HEATR4: variants seen among roughly 807,000 people sequenced by gnomAD.
HEATR4 encodes the protein HEAT repeat containing 4.
A neutral mutation model predicts 108.8 loss-of-function variants in HEATR4; 95 were observed. The ratio of observed to expected loss-of-function variants is 0.87; its 90% CI spans 0.74 to 1.04. The LOEUF is 1.04. Ranked by LOEUF, HEATR4 falls within the 50% of genes least tolerant of loss-of-function variation. The pLI, the probability that HEATR4 is intolerant of heterozygous loss-of-function variation, is 0.00. For missense variants in HEATR4, 1,152 were observed against 1,253.8 expected (o/e 0.92, Z 1.23); for synonymous variants, 443 against 459.4 (o/e 0.96, Z 0.46).
the HEATR4 span, among the ~76,000 whole-genome samples, chr14:73,587,224 G>A: frequency 3.3e-5 from 5 of 151,886 alleles, no homozygotes; most frequent in African/African-American, 7.3e-5. Flanking sequence ...CATTAGCTTC[G>A]GGGTGTCAAG....
rs1463758725 is a variant in HEATR4, at chr14:73,492,652, A to C, written c.2844+414T>G. The stretch of plus-strand genomic sequence containing the variant: ...ACGTGGGGGCCCAGTTGACAACAGA[A>C]ACAGAAGTCCATATGCTTCAGGATG... On this transcript the variant is annotated intron_variant, in intron 17 of 17. Transcript: ENST00000553558. This position sits in a 1 kb window ranked among gnomAD's most constrained non-coding sequence, Gnocchi z 4.9. 9 of 1,613,866 alleles carry C rather than the reference A, an allele frequency of 5.6e-6. No homozygotes were observed. The highest frequency in any genetic ancestry group is 1.6e-4 in the Middle Eastern group (1 of 6,084).
chr14:73,501,416 C>T (rs149483328), intron 11 of HEATR4, among the ~76,000 whole-genome samples: 66 of 151,670 alleles, frequency 4.4e-4, no homozygotes, highest in Middle Eastern at 3.4e-3. Context: ...TGAGCCACCG[C>T]GCCCGGCCTT....
At chr14:73,587,249 G>A in the HEATR4 span, among the ~76,000 whole-genome samples, 1 of 151,984 alleles carries the variant, frequency 6.6e-6, no homozygotes, top group Non-Finnish European at 1.5e-5. Flanking sequence ...ACCGTTGATT[G>A]AGCCTACTGA....
the HEATR4 span, among the ~76,000 whole-genome samples, chr14:73,624,332 T>A: frequency 6.6e-6 from 1 of 152,096 alleles, no homozygotes; most frequent in African/African-American, 2.4e-5. Context: ...TTTCGCCATG[T>A]TGCCCAGGCT....
At chr14:73,619,120 A>G in the HEATR4 span, 1 of 1,341,640 alleles carries the variant, frequency 7.5e-7, no homozygotes, top group African/African-American at 1.5e-5. Context: ...ACAGAGCGAG[A>G]CTCCATCTCA....
At position 73,492,086 on chromosome 14, in the gene HEATR4, T is replaced by G; in HGVS notation, c.2844+980A>C. 3 of 1,613,974 alleles carry G rather than the reference T, an allele frequency of 1.9e-6. No individual in the cohort carries two copies. The highest frequency in any genetic ancestry group is 2.5e-6 in the Non-Finnish European group (3 of 1,179,886). On this transcript the variant is annotated intron_variant, in intron 17 of 17. Coordinates refer to ENST00000553558, the MANE Select transcript of HEATR4 (RefSeq NM_001220484.1). This position sits in a 1 kb window ranked among gnomAD's most constrained non-coding sequence, Gnocchi z 4.9. ...GCTGCAGCTGGAAGGTAGGAAACTC[T>G]GGCGTGTATACCGACCCCGAGTCCC...
chr14:73,579,251 C>T, the HEATR4 span, among the ~76,000 whole-genome samples: 21 of 107,644 alleles, frequency 2.0e-4, no homozygotes, highest in Middle Eastern at 7.2e-3. Flanking sequence ...AACGAAATTC[C>T]GTCTCAAAAA....
At chr14:73,505,408 G>GT (rs1217412293) in intron 10 of HEATR4, among the ~76,000 whole-genome samples, 1 of 145,762 alleles carries the variant, frequency 6.9e-6, no homozygotes, top group East Asian at 2.0e-4. Context: ...TTTTTGTTTT[G>GT]TTTTTTGAGA....
intron 2 of HEATR4, among the ~76,000 whole-genome samples, chr14:73,525,877 T>C (rs563963510): frequency 1.0e-3 from 154 of 151,376 alleles, no homozygotes; most frequent in Non-Finnish European, 2.0e-3. Context: ...TGCTTGAACC[T>C]GGGAAGCAGA....
At chr14:73,589,855 G>A in the HEATR4 span, among the ~76,000 whole-genome samples, 4 of 152,028 alleles carry the variant, frequency 2.6e-5, no homozygotes, top group African/African-American at 9.7e-5. Flanking sequence ...GTGGGTTCGT[G>A]GTCTTGCTGG....
At chr14:73,494,806 C>T (rs1182593934) in intron 16 of HEATR4, among the ~76,000 whole-genome samples, 1 of 152,094 alleles carries the variant, frequency 6.6e-6, no homozygotes, top group African/African-American at 2.4e-5. Flanking sequence ...GGTGATCCTC[C>T]CACCATGGCC....
At chr14:73,568,175 TGA>T in the HEATR4 span, 1 of 151,936 alleles carries the variant, frequency 6.6e-6, no homozygotes, top group Non-Finnish European at 1.5e-5. Flanking sequence ...ACGTGGGACA[TGA>T]GAGATTTGGA....
chr14:73,570,862 G>A, the HEATR4 span, among the ~76,000 whole-genome samples: 2 of 148,490 alleles, frequency 1.3e-5, no homozygotes, highest in South Asian at 2.1e-4. Context: ...CTGAGATCAT[G>A]CCATTGCACT....
the HEATR4 span, among the ~76,000 whole-genome samples, chr14:73,590,550 C>T: frequency 6.6e-6 from 1 of 152,224 alleles, no homozygotes; most frequent in Non-Finnish European, 1.5e-5. Flanking sequence ...GTTGAGGAGG[C>T]TCGGACCGCG....
chr14:73,520,809 C>T (rs1187070540), intron 4 of HEATR4, 43 bp downstream of exon 4: 1 of 1,555,056 alleles, frequency 6.4e-7, no homozygotes, highest in Admixed American at 1.7e-5. Context: ...CTTCCTGGCC[C>T]ATGTCCCCGT....
At chr14:73,490,210 C>T (rs1566818452) in intron 17 of HEATR4, among the ~76,000 whole-genome samples, 2 of 152,330 alleles carry the variant, frequency 1.3e-5, no homozygotes, top group East Asian at 1.9e-4. Flanking sequence ...ACTGCAACCT[C>T]CACCTCCCGA....
At chr14:73,604,442 G>A in the HEATR4 span, among the ~76,000 whole-genome samples, 1 of 152,004 alleles carries the variant, frequency 6.6e-6, no homozygotes, top group African/African-American at 2.4e-5. Context: ...TGGGATTACA[G>A]GCATGAGCCA....
chr14:73,595,275 G>A, the HEATR4 span: 1 of 1,614,192 alleles, frequency 6.2e-7, no homozygotes, highest in South Asian at 1.1e-5. Flanking sequence ...GTGGATATAA[G>A]GAATGCTCTC....
At chr14:73,490,126 GCTT>G (rs955258111) in intron 17 of HEATR4, among the ~76,000 whole-genome samples, 13 of 152,110 alleles carry the variant, frequency 8.5e-5, no homozygotes, top group African/African-American at 2.4e-4. Context: ...TTGATTTTGT[GCTT>G]CTTCTTGTTT....
Sources: gnomAD v4.1 joint callset for allele counts (sites outside exome capture counted in the v4.1 genomes callset) on GRCh38, gnomAD v4.1.1 for gene constraint, Gnocchi (gnomAD v3.1) non-coding constraint, MANE v1.5 for transcripts, NCBI Gene and HGNC (gene_info 2026-07-23, HGNC 2026-07-21) for gene names.